The following KCNH5 variants were observed in gnomAD, a reference collection of about 807,000 sequenced individuals.
KCNH5 encodes potassium voltage-gated channel subfamily H member 5, also known as voltage-gated delayed rectifier potassium channel KCNH5.
A neutral mutation model predicts 96.1 loss-of-function variants in KCNH5; 46 were observed. The observed-to-expected ratio is 0.48, with a 90% CI of 0.38 to 0.61. The LOEUF is 0.61. Ranked by LOEUF, KCNH5 falls within the 20% of genes least tolerant of loss-of-function variation. The pLI is 0.00. For missense variants in KCNH5, 907 were observed against 1,225.8 expected, an observed-to-expected ratio of 0.74 and a Z score of 3.88; for synonymous variants, 439 against 449.8, an observed-to-expected ratio of 0.98 and a Z score of 0.30.
chr14:62,880,384 G>A (rs111798195), intron 7 of KCNH5, among the ~76,000 whole-genome samples: 2,605 of 152,242 alleles, frequency 0.017, 74 homozygotes, highest in African/African-American at 0.058. Flanking sequence ...AAAAGTATTA[G>A]TTTTTCAAAG....
intron 7 of KCNH5, among the ~76,000 whole-genome samples, chr14:62,918,324 G>T (rs1889314480): frequency 6.6e-6 from 1 of 151,920 alleles, no homozygotes; most frequent in African/African-American, 2.4e-5. Flanking sequence ...AAGTACAGAA[G>T]GCCCCAAAAG....
chr14:62,797,929 C>T lies in KCNH5; in HGVS notation c.1822+4400G>A, dbSNP rs377633147. ...ATGGGGTTTCACCATGTTGGCCAGA[C>T]TGGTCTCCAAGTCCTGACCTCAAGT... On this transcript the variant is annotated intron_variant, in intron 9 of 10. Transcript: ENST00000322893. 5.9e-5 allele frequency among the ~76,000 whole-genome samples: 9 copies of T among 152,158 alleles called. No homozygotes were observed. In the East Asian group the frequency reaches 1.7e-3, roughly 29 times the overall value.
chr14:62,746,903 T>C (rs532442974), intron 10 of KCNH5, among the ~76,000 whole-genome samples: 1 of 152,352 alleles, frequency 6.6e-6, no homozygotes, highest in South Asian at 2.1e-4. Flanking sequence ...ACAGATAAAT[T>C]GAAGCAAATA....
chr14:62,878,979 G>A (rs565023910), intron 7 of KCNH5, among the ~76,000 whole-genome samples: 1 of 152,122 alleles, frequency 6.6e-6, no homozygotes, highest in South Asian at 2.1e-4. Context: ...TCCAAACACG[G>A]TTGCATTTTG....
chr14:62,869,538 T>C (rs954400854), intron 7 of KCNH5, among the ~76,000 whole-genome samples: 1 of 152,204 alleles, frequency 6.6e-6, no homozygotes, highest in Non-Finnish European at 1.5e-5. Flanking sequence ...TTTAAATAGA[T>C]CTCATTTGTC....
chr14:62,934,676 C>G (rs539862786), intron 7 of KCNH5, among the ~76,000 whole-genome samples: 1 of 152,184 alleles, frequency 6.6e-6, no homozygotes, highest in African/African-American at 2.4e-5. Flanking sequence ...CAGCTGAGAA[C>G]AAAGAAAGCA....
intron 6 of KCNH5, among the ~76,000 whole-genome samples, chr14:62,962,157 C>T (rs1594647758): frequency 6.6e-6 from 1 of 152,090 alleles, no homozygotes; most frequent in African/African-American, 2.4e-5. Flanking sequence ...TGAGAAGGCA[C>T]CCAGCCATCC....
intron 7 of KCNH5, among the ~76,000 whole-genome samples, chr14:62,938,500 C>A (rs1487976370): frequency 6.6e-6 from 1 of 152,140 alleles, no homozygotes; most frequent in Non-Finnish European, 1.5e-5. Flanking sequence ...TAAATCCATG[C>A]CTAAAGGCCT....
At chr14:62,723,598 C>G (rs1443223895) in intron 10 of KCNH5, among the ~76,000 whole-genome samples, 1 of 152,174 alleles carries the variant, frequency 6.6e-6, no homozygotes, top group Non-Finnish European at 1.5e-5. Context: ...TGACCCCACT[C>G]TTCACATCCC....
At chr14:63,038,001 G>C (rs191391652) in intron 1 of KCNH5, among the ~76,000 whole-genome samples, 1 of 152,100 alleles carries the variant, frequency 6.6e-6, no homozygotes, top group Non-Finnish European at 1.5e-5. Flanking sequence ...TATTTCAGCC[G>C]CACCTCAATT....
At chr14:62,835,804 C>T (rs1887453977) in intron 8 of KCNH5, among the ~76,000 whole-genome samples, 2 of 151,660 alleles carry the variant, frequency 1.3e-5, no homozygotes, top group South Asian at 2.1e-4. Flanking sequence ...TTTTTGTTTG[C>T]TTGCTTGCTT....
chr14:62,747,466 A>G (rs189773038), intron 10 of KCNH5, among the ~76,000 whole-genome samples: 5 of 152,352 alleles, frequency 3.3e-5, no homozygotes. Context: ...TAACTGGAAC[A>G]TATTTGTATA....
chr14:62,882,100 T>TAAAAAA lies in KCNH5; in HGVS notation c.1370-32254_1370-32249dup, dbSNP rs143123435. Among the ~76,000 whole-genome samples, 29 of 76,654 alleles carry TAAAAAA rather than the reference T, an allele frequency of 3.8e-4. 1 individual carries two copies. The highest frequency in any genetic ancestry group is 1.1e-3 in the African/African-American group (19 of 16,934). 50.3% of individuals were successfully genotyped at this position (76,654 alleles called of 152,430 possible). A position where few individuals can be genotyped will look rare whatever the true frequency, so the allele number is the denominator to read the frequency against. ...GCTAACATAGAGAAACCCCATTTCT[T>TAAAAAA]AAAAAAAAAAAAAAAAAAAAAAAAA... On this transcript the variant is annotated intron_variant, in intron 7 of 10. Transcript: ENST00000322893.
At chr14:62,800,755 T>C (rs1397964614) in intron 9 of KCNH5, among the ~76,000 whole-genome samples, 1 of 152,128 alleles carries the variant, frequency 6.6e-6, no homozygotes, top group Non-Finnish European at 1.5e-5. Context: ...CAAACAAGAA[T>C]GGTTTACAGA....
chr14:63,014,556 G>A lies in KCNH5; in HGVS notation c.197+2275C>T, dbSNP rs1891288860. On this transcript the variant is annotated intron_variant, in intron 2 of 10. Coordinates refer to ENST00000322893, the MANE Select transcript of KCNH5 (RefSeq NM_139318.5). ...TGCCAAAGAAAATAGGCCAGGGATA[G>A]GGCAAATACATGGGACACAAGAAGG... Among the ~76,000 whole-genome samples the A allele has an allele frequency of 2.6e-5, 4 of 152,172 alleles. No individual in the cohort carries two copies. In the South Asian group the frequency reaches 8.3e-4, roughly 32 times the overall value.
chr14:62,991,545 G>A (rs1005270807), intron 4 of KCNH5, among the ~76,000 whole-genome samples: 2 of 151,996 alleles, frequency 1.3e-5, no homozygotes, highest in Non-Finnish European at 1.5e-5. Context: ...TTGAGTAATC[G>A]TTTATGAGTT....
chr14:62,973,204 T>C (rs1368145339), intron 6 of KCNH5, among the ~76,000 whole-genome samples: 1 of 152,180 alleles, frequency 6.6e-6, no homozygotes, highest in Non-Finnish European at 1.5e-5. Context: ...TTAAAAAGGC[T>C]CACACTCTTT....
Position 62,864,886 on chromosome 14 carries a change from G to A in KCNH5, c.1370-15034C>T, listed in dbSNP as rs566074515. Reference sequence around the variant, plus strand: ...GGAAAACTGTTTTACAATCCCTGCAGTAGGCAGGAAGGAGCAGGTCCTGGC... The same window carrying A: ...GGAAAACTGTTTTACAATCCCTGCAATAGGCAGGAAGGAGCAGGTCCTGGC... On this transcript the variant is annotated intron_variant, in intron 7 of 10. Coordinates refer to ENST00000322893, the MANE Select transcript of KCNH5 (RefSeq NM_139318.5). Among the ~76,000 whole-genome samples the A allele has an allele frequency of 9.2e-5, 14 of 152,286 alleles. 1 individual carries two copies. The South Asian group carries it at 2.7e-3, about 29-fold the overall frequency.
At chr14:62,817,337 A>C (rs1391149751) in intron 8 of KCNH5, among the ~76,000 whole-genome samples, 3 of 146,240 alleles carry the variant, frequency 2.1e-5, no homozygotes, top group Non-Finnish European at 3.0e-5. Context: ...AAGTTCAATA[A>C]ATAAAGTCAC....
Sources: gnomAD v4.1 joint callset for allele counts (sites outside exome capture counted in the v4.1 genomes callset) on GRCh38, gnomAD v4.1.1 for gene constraint, MANE v1.5 for transcripts, NCBI Gene and HGNC (gene_info 2026-07-23, HGNC 2026-07-21) for gene names.